The following SPSB1 variants were observed in gnomAD, a reference collection of about 807,000 sequenced individuals.
The protein encoded by SPSB1 is splA/ryanodine receptor domain and SOCS box containing 1.
Under a neutral mutation model 21.2 loss-of-function variants are expected in SPSB1, and 8 were observed. That is an observed-to-expected ratio of 0.38 (90% CI 0.22 to 0.68). SPSB1 has a LOEUF of 0.68. SPSB1 is among the 30% of genes least tolerant of loss of function. The probability of loss-of-function intolerance (pLI) is 0.53; values close to 1 mark genes in which losing one functional copy is unlikely to be tolerated. For synonymous variants in SPSB1, 169 were observed against 161.7 expected, an observed-to-expected ratio of 1.05 and a Z score of -0.34; for missense variants, 242 against 377.8, an observed-to-expected ratio of 0.64 and a Z score of 2.98.
At chr1:9,304,024 C>T (rs1639373686) in intron 1 of SPSB1, among the ~76,000 whole-genome samples, 1 of 152,184 alleles carries the variant, frequency 6.6e-6, no homozygotes, top group Admixed American at 6.5e-5. Flanking sequence ...CTGGACTGGG[C>T]AGGGAGGATC....
chr1:9,360,833 GGA>G (rs1168026015), intron 2 of SPSB1, among the ~76,000 whole-genome samples: 1 of 152,244 alleles, frequency 6.6e-6, no homozygotes, highest in Non-Finnish European at 1.5e-5. Context: ...AACATGAATT[GGA>G]GGACACTGGT....
intron 2 of SPSB1, among the ~76,000 whole-genome samples, chr1:9,357,012 G>A (rs1230139734): frequency 6.6e-6 from 1 of 152,164 alleles, no homozygotes; most frequent in African/African-American, 2.4e-5. Flanking sequence ...TGAGTGTTTA[G>A]ATTGATGGAT....
intron 1 of SPSB1, among the ~76,000 whole-genome samples, chr1:9,301,964 G>C (rs1423416319): frequency 6.6e-6 from 1 of 152,204 alleles, no homozygotes; most frequent in African/African-American, 2.4e-5. Context: ...TTCTGCCAAA[G>C]TCACCATCCA....
intron 1 of SPSB1, among the ~76,000 whole-genome samples, chr1:9,296,807 C>T (rs1448732436): frequency 6.6e-6 from 1 of 152,212 alleles, no homozygotes; most frequent in Admixed American, 6.5e-5. Context: ...TCCTTCCTTG[C>T]TTGGACAAAG....
intron 1 of SPSB1, among the ~76,000 whole-genome samples, chr1:9,310,445 C>A (rs902739543): frequency 6.6e-6 from 1 of 152,192 alleles, no homozygotes; most frequent in African/African-American, 2.4e-5. Flanking sequence ...GTAATCCCAG[C>A]ACTTTGGGAG....
intron 1 of SPSB1, among the ~76,000 whole-genome samples, chr1:9,350,691 C>T (rs750412011): frequency 2.3e-4 from 35 of 152,336 alleles, no homozygotes; most frequent in Non-Finnish European, 4.1e-4. Flanking sequence ...CAGGGCAGTA[C>T]GAGCCACGCC....
chr1:9,340,070 ACT>A (rs1640065509), intron 1 of SPSB1, among the ~76,000 whole-genome samples: 1 of 151,902 alleles, frequency 6.6e-6, no homozygotes, highest in South Asian at 2.1e-4. Context: ...GTAGCCCGAG[ACT>A]CTGCATTTCC....
At chr1:9,313,187 T>G (rs1163195803) in intron 1 of SPSB1, among the ~76,000 whole-genome samples, 1 of 152,054 alleles carries the variant, frequency 6.6e-6, no homozygotes, top group Admixed American at 6.6e-5. Context: ...ACCCAAGGTT[T>G]GGAGTTCGAG....
intron 1 of SPSB1, among the ~76,000 whole-genome samples, chr1:9,334,023 A>G (rs535908145): frequency 6.6e-6 from 1 of 152,306 alleles, no homozygotes; most frequent in South Asian, 2.1e-4. Context: ...GTTTCTGTTT[A>G]TTTTTATATA....
intron 1 of SPSB1, among the ~76,000 whole-genome samples, chr1:9,325,986 G>T (rs982341578): frequency 6.6e-6 from 1 of 152,094 alleles, no homozygotes; most frequent in Non-Finnish European, 1.5e-5. Flanking sequence ...GGGGAAGGAG[G>T]TGACAGAGTG....
chr1:9,338,725 G>A (rs542418446), intron 1 of SPSB1, among the ~76,000 whole-genome samples: 1 of 151,816 alleles, frequency 6.6e-6, no homozygotes, highest in East Asian at 1.9e-4. Context: ...TGAGGTCTGA[G>A]GGGGCGTCAC....
At chr1:9,355,619 A>T in intron 1 of SPSB1, 124 bp from the exon 2 acceptor site, 1 of 1,095,528 alleles carries the variant, frequency 9.1e-7, no homozygotes, top group Non-Finnish European at 1.2e-6. Flanking sequence ...TGCCCGTGTC[A>T]GGCATGACAG....
chr1:9,338,869 C>G (rs1417130858), intron 1 of SPSB1, among the ~76,000 whole-genome samples: 3 of 152,236 alleles, frequency 2.0e-5, no homozygotes, highest in African/African-American at 7.2e-5. Context: ...GTCTTTGGGT[C>G]TTGGGGAGGG....
At chr1:9,319,254 G>A (rs936121267) in intron 1 of SPSB1, among the ~76,000 whole-genome samples, 2 of 152,184 alleles carry the variant, frequency 1.3e-5, no homozygotes, top group African/African-American at 4.8e-5. Flanking sequence ...CAGGGGGGTG[G>A]CACAGGGAGG....
intron 1 of SPSB1, among the ~76,000 whole-genome samples, chr1:9,315,488 A>G (rs1639598978): frequency 6.6e-6 from 1 of 152,258 alleles, no homozygotes; most frequent in African/African-American, 2.4e-5. Context: ...TGAGGAAACC[A>G]AGACCTGGAG....
intron 2 of SPSB1, among the ~76,000 whole-genome samples, chr1:9,360,203 C>CA (rs1640446646): frequency 1.4e-5 from 2 of 143,944 alleles, no homozygotes; most frequent in Admixed American, 7.1e-5. Context: ...GCTTAGAGGC[C>CA]AGGAGGGTGG....
At chr1:9,337,648 G>A (rs1227292639) in intron 1 of SPSB1, among the ~76,000 whole-genome samples, 2 of 152,164 alleles carry the variant, frequency 1.3e-5, no homozygotes, top group East Asian at 1.9e-4. Context: ...CTCTCTGGGG[G>A]TGGCATCCGC....
intron 2 of SPSB1, among the ~76,000 whole-genome samples, chr1:9,364,477 C>T (rs1569667175): frequency 6.6e-6 from 1 of 152,286 alleles, no homozygotes; most frequent in South Asian, 2.1e-4. Flanking sequence ...GGTCAGGCTG[C>T]GGGGCAGGGT....
At chr1:9,339,685 G>A (rs1640058531) in intron 1 of SPSB1, among the ~76,000 whole-genome samples, 1 of 152,200 alleles carries the variant, frequency 6.6e-6, no homozygotes, top group Non-Finnish European at 1.5e-5. Context: ...GACCCTGTGA[G>A]GAGGGGAGGG....
Sources: gnomAD v4.1 joint callset for allele counts (sites outside exome capture counted in the v4.1 genomes callset) on GRCh38, gnomAD v4.1.1 for gene constraint, MANE v1.5 for transcripts, NCBI Gene and HGNC (gene_info 2026-07-23, HGNC 2026-07-21) for gene names.